The following CCDC3 variants were observed in gnomAD, a reference collection of about 807,000 sequenced individuals.
CCDC3 encodes coiled-coil domain containing 3, also known as coiled-coil domain-containing protein 3.
CCDC3 carries 24 observed loss-of-function variants against 21.4 expected under a neutral mutation model. That is an observed-to-expected ratio of 1.12 (90% CI 0.81 to 1.58). CCDC3 has a LOEUF of 1.58. CCDC3 is among the 40% of genes most tolerant of loss of function. The pLI, the probability that CCDC3 is intolerant of heterozygous loss-of-function variation, is 0.00. For missense variants in CCDC3, 425 were observed against 360.9 expected (o/e 1.18, Z -1.44); for synonymous variants, 186 against 166.0 (o/e 1.12, Z -0.93).
chr10:12,942,365 G>A (rs768694514), intron 2 of CCDC3, among the ~76,000 whole-genome samples: 7 of 152,156 alleles, frequency 4.6e-5, no homozygotes, highest in Non-Finnish European at 1.0e-4. Context: ...GTTGGTGAGG[G>A]TAAAAGTCGT....
chr10:12,943,555 C>T (rs1458624494), intron 2 of CCDC3, among the ~76,000 whole-genome samples: 1 of 152,182 alleles, frequency 6.6e-6, no homozygotes, highest in Non-Finnish European at 1.5e-5. Flanking sequence ...AGGTTCCCTC[C>T]TCCCTTTTCT....
At chr10:13,020,802 T>G (rs909611311) in intron 5 of CCDC3, among the ~76,000 whole-genome samples, 1 of 152,140 alleles carries the variant, frequency 6.6e-6, no homozygotes, top group African/African-American at 2.4e-5. Flanking sequence ...TTACCAAGAA[T>G]AGCCAAGAGA....
intron 2 of CCDC3, among the ~76,000 whole-genome samples, chr10:12,952,374 G>T (rs1170410100): frequency 6.6e-6 from 1 of 152,168 alleles, no homozygotes; most frequent in African/African-American, 2.4e-5. Flanking sequence ...TACGGTCATG[G>T]ACCATGTATT....
At chr10:12,932,246 C>T (rs935580500) in intron 2 of CCDC3, among the ~76,000 whole-genome samples, 4 of 152,042 alleles carry the variant, frequency 2.6e-5, no homozygotes, top group Non-Finnish European at 5.9e-5. Flanking sequence ...GTTTCTTGAC[C>T]TATGATGGGT....
upstream of CCDC3, among the ~76,000 whole-genome samples, chr10:13,004,841 G>A (rs970593136): frequency 3.3e-5 from 5 of 152,056 alleles, no homozygotes; most frequent in African/African-American, 1.2e-4. Context: ...AAAAGAGACT[G>A]ACAGACACCC....
At chr10:12,930,071 T>C (rs369907986) in intron 2 of CCDC3, among the ~76,000 whole-genome samples, 1 of 152,206 alleles carries the variant, frequency 6.6e-6, no homozygotes, top group Non-Finnish European at 1.5e-5. Context: ...GAAATGCTAG[T>C]TGGGGATTTC....
At chr10:13,059,108 C>T (rs1836719741) in intron 4 of CCDC3, among the ~76,000 whole-genome samples, 3 of 152,148 alleles carry the variant, frequency 2.0e-5, no homozygotes, top group Non-Finnish European at 2.9e-5. Context: ...CCTCCCATAC[C>T]GTAGACTTAT....
intron 5 of CCDC3, among the ~76,000 whole-genome samples, chr10:13,009,677 A>T (rs1354382936): frequency 6.6e-6 from 1 of 152,214 alleles, no homozygotes; most frequent in African/African-American, 2.4e-5. Flanking sequence ...TGATTGGAAA[A>T]AGAACGACCT....
intron 5 of CCDC3, among the ~76,000 whole-genome samples, chr10:13,017,526 AAAAAAG>A (rs1164172308): frequency 2.7e-5 from 4 of 148,842 alleles, no homozygotes; most frequent in Non-Finnish European, 3.0e-5. Flanking sequence ...CAAAAAAAAA[AAAAAAG>A]AAAAGAAAAG....
At chr10:12,988,099 T>G (rs1467310475) in intron 2 of CCDC3, among the ~76,000 whole-genome samples, 1 of 152,174 alleles carries the variant, frequency 6.6e-6, no homozygotes, top group Non-Finnish European at 1.5e-5. Flanking sequence ...TGCTCAGAAA[T>G]GTCCACATGA....
intron 4 of CCDC3, among the ~76,000 whole-genome samples, chr10:13,050,419 G>A (rs1388494398): frequency 6.6e-6 from 1 of 150,934 alleles, no homozygotes; most frequent in Non-Finnish European, 1.5e-5. Context: ...CCTAGGCTTA[G>A]AGAAAACTGG....
At chr10:13,081,449 G>GT (rs1837037915) in intron 3 of CCDC3, among the ~76,000 whole-genome samples, 1 of 152,136 alleles carries the variant, frequency 6.6e-6, no homozygotes, top group Admixed American at 6.5e-5. Flanking sequence ...TGAGACTGCC[G>GT]TTCACACAGC....
chr10:12,993,713 T>G (rs745404552), intron 2 of CCDC3, among the ~76,000 whole-genome samples: 2 of 152,152 alleles, frequency 1.3e-5, no homozygotes, highest in Non-Finnish European at 2.9e-5. Flanking sequence ...CAAGTCCTAT[T>G]AACACCATGA....
At chr10:13,009,352 A>T (rs919357128) in intron 5 of CCDC3, among the ~76,000 whole-genome samples, 5 of 152,218 alleles carry the variant, frequency 3.3e-5, no homozygotes, top group African/African-American at 9.6e-5. Context: ...AGCCAAACTG[A>T]TTTACAAATT....
At chr10:13,060,207 C>T (rs754866876) in intron 4 of CCDC3, among the ~76,000 whole-genome samples, 3 of 152,166 alleles carry the variant, frequency 2.0e-5, no homozygotes, top group East Asian at 1.9e-4. Context: ...ATTTTTACCT[C>T]GGCCTCAGAC....
intron 3 of CCDC3, among the ~76,000 whole-genome samples, chr10:13,082,645 T>G (rs1440897104): frequency 6.6e-6 from 1 of 152,138 alleles, no homozygotes; most frequent in Non-Finnish European, 1.5e-5. Flanking sequence ...CTGACATTAC[T>G]GCTAGACCAA....
At chr10:13,089,164 C>T (rs1299458089) in intron 3 of CCDC3, among the ~76,000 whole-genome samples, 1 of 152,116 alleles carries the variant, frequency 6.6e-6, no homozygotes, top group South Asian at 2.1e-4. Context: ...TTAGAGCTTA[C>T]AGATAGTGGC....
At chr10:13,028,346 G>A (rs1836252030) in intron 5 of CCDC3, among the ~76,000 whole-genome samples, 1 of 152,036 alleles carries the variant, frequency 6.6e-6, no homozygotes, top group Non-Finnish European at 1.5e-5. Flanking sequence ...GCCTCCCCCA[G>A]CCACGTGGGA....
intron 2 of CCDC3, among the ~76,000 whole-genome samples, chr10:12,986,064 G>C (rs1338543258): frequency 6.6e-6 from 1 of 152,150 alleles, no homozygotes; most frequent in African/African-American, 2.4e-5. Flanking sequence ...TTTTTTAGTA[G>C]AGACAGGATT....
Sources: allele counts gnomAD v4.1 joint callset (sites outside exome capture counted in the v4.1 genomes callset), GRCh38; gene constraint gnomAD v4.1.1; transcripts MANE v1.5; gene names NCBI Gene and HGNC (gene_info 2026-07-23, HGNC 2026-07-21).